TMEM108: variants seen among roughly 807,000 people sequenced by gnomAD.
The protein encoded by TMEM108 is cancer/testis antigen 124.
In TMEM108, 12 loss-of-function variants were observed where a neutral mutation model predicts 35.1. That is an observed-to-expected ratio of 0.34 (90% CI 0.22 to 0.55). TMEM108 has a LOEUF of 0.55. Among genes scored for constraint, TMEM108 ranks in the 20% least tolerant of loss-of-function variants. TMEM108 has a pLI of 0.89. For missense variants in TMEM108, 680 were observed against 753.3 expected, an observed-to-expected ratio of 0.90 and a Z score of 1.14; for synonymous variants, 287 against 308.6, an observed-to-expected ratio of 0.93 and a Z score of 0.73.
intron 2 of TMEM108, among the ~76,000 whole-genome samples, chr3:133,100,476 C>T (rs1235852192): frequency 6.6e-6 from 1 of 152,092 alleles, no homozygotes; most frequent in African/African-American, 2.4e-5. Flanking sequence ...TAGCAGTGCA[C>T]TCCTGTAGTT....
At chr3:133,232,832 A>G (rs1946173553) in intron 3 of TMEM108, among the ~76,000 whole-genome samples, 1 of 152,198 alleles carries the variant, frequency 6.6e-6, no homozygotes, top group South Asian at 2.1e-4. Flanking sequence ...CACATTTTAC[A>G]TGATATCTTG....
At chr3:133,138,797 G>T (rs191145971) in intron 2 of TMEM108, among the ~76,000 whole-genome samples, 110 of 151,782 alleles carry the variant, frequency 7.2e-4, no homozygotes, top group Admixed American at 1.7e-3. Flanking sequence ...AAGTTCTGGG[G>T]TACATGTGTA....
At chr3:133,360,921 T>C (rs2072328580) in intron 3 of TMEM108, among the ~76,000 whole-genome samples, 1 of 152,286 alleles carries the variant, frequency 6.6e-6, no homozygotes, top group African/African-American at 2.4e-5. Context: ...CTATTATGAA[T>C]GGTAAAAACA....
At chr3:133,172,880 A>T (rs766688243) in intron 2 of TMEM108, among the ~76,000 whole-genome samples, 9 of 152,058 alleles carry the variant, frequency 5.9e-5, no homozygotes, top group Non-Finnish European at 8.8e-5. Context: ...AAATCTCATG[A>T]GATCTGATGG....
chr3:133,174,345 G>A (rs529087595), intron 2 of TMEM108, among the ~76,000 whole-genome samples: 38 of 152,330 alleles, frequency 2.5e-4, no homozygotes, highest in Non-Finnish European at 3.7e-4. Context: ...CTCTGAGCAC[G>A]CAGCTGGAGA....
At chr3:133,369,581 C>A (rs961537395) in intron 3 of TMEM108, among the ~76,000 whole-genome samples, 28 of 152,154 alleles carry the variant, frequency 1.8e-4, no homozygotes, top group African/African-American at 6.5e-4. Flanking sequence ...GACCATTTCA[C>A]CTAACTCCAT....
intron 3 of TMEM108, among the ~76,000 whole-genome samples, chr3:133,312,017 T>C (rs2071135617): frequency 6.6e-6 from 1 of 152,276 alleles, no homozygotes; most frequent in African/African-American, 2.4e-5. Flanking sequence ...CTCCAGACCC[T>C]GTTTGCCTGC....
rs1414701448 is a variant in TMEM108, at chr3:133,390,353, C to T, written c.1605+19C>T. On this transcript the variant is annotated intron_variant, in intron 5 of 5. Transcript: ENST00000321871. ...CTCTGAGGTAATGAGCTTGAAAGTGCTGGCCCCACTGCAGGGAAACCAGGT... is the reference window on the plus strand; with the variant it reads ...CTCTGAGGTAATGAGCTTGAAAGTGTTGGCCCCACTGCAGGGAAACCAGGT... 3 of 1,612,378 alleles carry T rather than the reference C, an allele frequency of 1.9e-6. No individual in the cohort carries two copies. In the African/African-American group the frequency reaches 4.0e-5, roughly 22 times the overall value.
chr3:133,306,324 T>C (rs911326485), intron 3 of TMEM108, among the ~76,000 whole-genome samples: 1 of 152,180 alleles, frequency 6.6e-6, no homozygotes, highest in African/African-American at 2.4e-5. Flanking sequence ...CATATGGCTT[T>C]CTAGTTATCC....
intron 3 of TMEM108, among the ~76,000 whole-genome samples, chr3:133,373,423 T>C (rs1049326351): frequency 1.3e-5 from 2 of 149,972 alleles, no homozygotes; most frequent in African/African-American, 2.5e-5. Flanking sequence ...GATAGATAGA[T>C]AGATAGATAG....
intron 2 of TMEM108, among the ~76,000 whole-genome samples, chr3:133,143,847 C>A (rs550422887): frequency 6.6e-6 from 1 of 152,274 alleles, no homozygotes; most frequent in East Asian, 1.9e-4. Context: ...CATTCTACTT[C>A]CCTGACCTGC....
chr3:133,259,927 A>G (rs1946600919), intron 3 of TMEM108, among the ~76,000 whole-genome samples: 1 of 152,198 alleles, frequency 6.6e-6, no homozygotes, highest in Admixed American at 6.5e-5. Flanking sequence ...GAGTCCAGAT[A>G]GGTGAAGGCG....
chr3:133,057,551 G>A (rs531092092), intron 2 of TMEM108, among the ~76,000 whole-genome samples: 1 of 148,142 alleles, frequency 6.8e-6, no homozygotes, highest in East Asian at 2.0e-4. Flanking sequence ...GAAGACACAA[G>A]TATAACTGTT....
At chr3:133,255,536 A>G (rs1024568750) in intron 3 of TMEM108, among the ~76,000 whole-genome samples, 1 of 152,224 alleles carries the variant, frequency 6.6e-6, no homozygotes, top group Non-Finnish European at 1.5e-5. Flanking sequence ...GAGACACAGA[A>G]GCTAGTATGA....
intron 3 of TMEM108, among the ~76,000 whole-genome samples, chr3:133,360,024 A>G (rs2072296609): frequency 6.6e-6 from 1 of 151,888 alleles, no homozygotes; most frequent in Non-Finnish European, 1.5e-5. Context: ...AAAAAAAAAA[A>G]AAAGCAAACC....
chr3:133,166,345 T>C (rs1318222984), intron 2 of TMEM108, among the ~76,000 whole-genome samples: 1 of 152,092 alleles, frequency 6.6e-6, no homozygotes, highest in Non-Finnish European at 1.5e-5. Context: ...AAACTAAAAA[T>C]AGAAGTTGGA....
chr3:133,186,666 G>A lies in TMEM108; in HGVS notation c.-46-42600G>A, dbSNP rs546527712. Among the ~76,000 whole-genome samples the A allele has an allele frequency of 2.0e-5, 3 of 152,302 alleles. No individual in the cohort carries two copies. The South Asian group carries it at 6.2e-4, about 32-fold the overall frequency. ...CATTGTCCCTGGAAAGAACATGTGA[G>A]GAAATAAGTCTTCCCAATCCAAATT... On this transcript the variant is annotated intron_variant, in intron 2 of 5. Transcript: ENST00000321871.
At chr3:133,229,987 T>C (rs925372314) in intron 3 of TMEM108, among the ~76,000 whole-genome samples, 2 of 152,226 alleles carry the variant, frequency 1.3e-5, no homozygotes, top group Admixed American at 1.3e-4. Context: ...TTGTACTTTC[T>C]TTGGGATTAG....
At chr3:133,389,435 G>A in intron 4 of TMEM108, 2 of 980,620 alleles carry the variant, frequency 2.0e-6, no homozygotes, top group Non-Finnish European at 2.4e-6. Flanking sequence ...ATCAATCCCA[G>A]CACTTTAGGA....
Sources: gnomAD v4.1 joint callset for allele counts (sites outside exome capture counted in the v4.1 genomes callset) on GRCh38, gnomAD v4.1.1 for gene constraint, MANE v1.5 for transcripts, NCBI Gene and HGNC (gene_info 2026-07-23, HGNC 2026-07-21) for gene names.